The following MAP3K15 variants were observed in gnomAD, a reference collection of about 807,000 sequenced individuals.
MAP3K15 encodes mitogen-activated protein kinase kinase kinase 15, also known as MAPK/ERK kinase kinase 15.
MAP3K15 carries 124 observed loss-of-function variants against 99.5 expected under a neutral mutation model. That is an observed-to-expected ratio of 1.25 (90% CI 1.08 to 1.45). The LOEUF (loss-of-function observed/expected upper bound fraction) is 1.45, where lower values mean the gene tolerates loss of function less well. Ranked by LOEUF, MAP3K15 falls within the 40% of genes most tolerant of loss-of-function variation. The pLI is 0.00. For synonymous variants in MAP3K15, 494 were observed against 439.6 expected, an observed-to-expected ratio of 1.12 and a Z score of -1.55; for missense variants, 1,242 against 1,079.7, an observed-to-expected ratio of 1.15 and a Z score of -2.11.
chrX:19,382,324 C>G (rs1433474675), intron 18 of MAP3K15, among the ~76,000 whole-genome samples: 1 of 108,912 alleles, frequency 9.2e-6, no homozygotes, highest in Non-Finnish European at 1.9e-5. Flanking sequence ...CCTCCTGTGT[C>G]CCCCTCTGGA....
chrX:19,370,913 C>A (rs2063369845), intron 24 of MAP3K15, 46 bp downstream of exon 24: 1 of 965,818 alleles, frequency 1.0e-6, no homozygotes, highest in South Asian at 2.0e-5. Context: ...TATTTCTTAT[C>A]TTTTCACGGC....
Position 19,515,147 on chromosome X carries a change from C to A in MAP3K15, c.115G>T (p.Gly39Trp). Residue 39 changes from glycine to tryptophan, a missense_variant, in exon 1 of 29, where the codon GGG (glycine) becomes TGG (tryptophan). Gly to Trp is a radical substitution (Grantham distance 184). Transcript: ENST00000338883. ...EGAAGPAEPDGAAEGAAGGSG... is the reference protein window; with the variant it reads ...EGAAGPAEPDWAAEGAAGGSG... Reference sequence around the variant, plus strand: ...CCGCCTGCCGCGCCCTCCGCCGCCCCGTCGGGCTCCGCCGGCCCGGCCGCG... The same window carrying A: ...CCGCCTGCCGCGCCCTCCGCCGCCCAGTCGGGCTCCGCCGGCCCGGCCGCG... 5.0e-6 allele frequency: 4 copies of A among 792,730 alleles called. No individual in the cohort carries two copies. Among genetic ancestry groups the A allele is most frequent in the Non-Finnish European group, 6.1e-6 (4 of 655,255 alleles). The allele number at this position is 792,730 out of a possible 1,213,427, so 65.3% of individuals were successfully genotyped here. A position where few individuals can be genotyped will look rare whatever the true frequency, so the allele number is the denominator to read the frequency against.
chrX:19,474,793 T>A (rs901727505), intron 3 of MAP3K15, among the ~76,000 whole-genome samples: 1 of 111,378 alleles, frequency 9.0e-6, no homozygotes, highest in African/African-American at 3.3e-5. Context: ...GTTTTTAAGA[T>A]CTGCTGTTTG....
chrX:19,362,574 G>A (rs2063300085), intron 26 of MAP3K15, among the ~76,000 whole-genome samples, 164 bp downstream of exon 26: 1 of 111,004 alleles, frequency 9.0e-6, no homozygotes, highest in South Asian at 3.8e-4. Flanking sequence ...CATTTACAAT[G>A]CAGCCATGTT....
chrX:19,404,922 G>T (rs993198276), intron 13 of MAP3K15, among the ~76,000 whole-genome samples: 2 of 111,345 alleles, frequency 1.8e-5, no homozygotes, highest in African/African-American at 6.5e-5. Flanking sequence ...ACTCTTGGAA[G>T]AAAACATAAA....
At chrX:19,390,294 T>C (rs1471029765) in intron 18 of MAP3K15, among the ~76,000 whole-genome samples, 2 of 101,200 alleles carry the variant, frequency 2.0e-5, no homozygotes, top group Admixed American at 1.1e-4. Flanking sequence ...TTTTAAGAGC[T>C]AATTTTTTCT....
rs1394200836 is a variant in MAP3K15, at chrX:19,515,002, AG to A, written c.259del (p.Leu87CysfsTer39). ...GGPEAGARQC[L>X]LRACEAEGAH... ...GCCCTCGGCCTCGCAGGCCCGCAGC[AG>A]GCACTGCCGCGCCCCAGCCTCCGGG... is the stretch of plus-strand genomic sequence containing the variant. On this transcript the variant is annotated frameshift_variant, in exon 1 of 29. Coordinates refer to ENST00000338883, the MANE Select transcript of MAP3K15 (RefSeq NM_001001671.4). LOFTEE classifies it high-confidence loss of function. 1 of 1,108,893 alleles carries A rather than the reference AG, an allele frequency of 9.0e-7. No homozygotes were observed. The highest frequency in any genetic ancestry group is 2.9e-5 in the Admixed American group (1 of 34,629). 91.4% of individuals were successfully genotyped at this position (1,108,893 alleles called of 1,213,427 possible).
Position 19,371,408 on chromosome X carries a change from G to A in MAP3K15, c.3231C>T (p.Asp1077=), listed in dbSNP as rs1264461724. 1.7e-6 allele frequency: 2 copies of A among 1,209,474 alleles called. No homozygotes were observed. The highest frequency in any genetic ancestry group is 2.2e-6 in the Non-Finnish European group (2 of 894,895). ...MATTISKLKV[D]LDFDSSSISQ... ...TGATGGACGAGCTGTCAAAGTCCAGGTCCACCTTGAGCTTTGATATTGTGG... is the reference window on the plus strand; with the variant it reads ...TGATGGACGAGCTGTCAAAGTCCAGATCCACCTTGAGCTTTGATATTGTGG... Residue 1077 remains aspartate, a synonymous_variant, in exon 23 of 29, where the codon GAC becomes GAT. Coordinates refer to ENST00000338883, the MANE Select transcript of MAP3K15 (RefSeq NM_001001671.4).
chrX:19,382,846 G>T (rs1244656907), intron 18 of MAP3K15, among the ~76,000 whole-genome samples: 3 of 112,273 alleles, frequency 2.7e-5, no homozygotes, highest in African/African-American at 9.7e-5. Flanking sequence ...ATCCGATACT[G>T]TGCTGCTTAT....
At chrX:19,373,263 G>T in intron 21 of MAP3K15, 1 of 330,175 alleles carries the variant, frequency 3.0e-6, no homozygotes, top group Non-Finnish European at 5.2e-6. Flanking sequence ...AGGAGAGAGG[G>T]GAAGTGTCGA....
chrX:19,419,505 T>C (rs1324549220), intron 9 of MAP3K15, among the ~76,000 whole-genome samples: 2 of 110,674 alleles, frequency 1.8e-5, no homozygotes, highest in East Asian at 2.8e-4. Flanking sequence ...TAAATATATA[T>C]GCACCCAATA....
intron 18 of MAP3K15, among the ~76,000 whole-genome samples, chrX:19,387,968 C>T (rs769898653): frequency 8.9e-5 from 10 of 112,026 alleles, no homozygotes; most frequent in Non-Finnish European, 7.5e-5. Flanking sequence ...GCCCACAGCA[C>T]GCAAAGCCAG....
intron 18 of MAP3K15, among the ~76,000 whole-genome samples, chrX:19,382,042 C>T (rs2063461354): frequency 9.0e-6 from 1 of 110,815 alleles, no homozygotes; most frequent in African/African-American, 3.3e-5. Context: ...GTCAGAAGTT[C>T]GAGACCAGCC....
chrX:19,415,224 T>A lies in MAP3K15; in HGVS notation c.1473A>T (p.Leu491=). 8.5e-7 allele frequency: 1 copy of A among 1,180,704 alleles called. No homozygotes were observed. Reference sequence around the variant, plus strand: ...TAATGGTTTTCTTGAAGCGCCGAATTAGTAACAAGTTCTGAACTAATGATC... The same window carrying A: ...TAATGGTTTTCTTGAAGCGCCGAATAAGTAACAAGTTCTGAACTAATGATC... The part of the protein sequence containing the change: ...YLRSLVQNLL[L]IRRFKKTIIE... The change falls in exon 10 of 29, where the codon CTA becomes CTT. Residue 491 remains leucine, a synonymous_variant. Coordinates refer to ENST00000338883, the MANE Select transcript of MAP3K15 (RefSeq NM_001001671.4).
At chrX:19,412,791 G>C (rs2063698993) in intron 11 of MAP3K15, among the ~76,000 whole-genome samples, 1 of 111,288 alleles carries the variant, frequency 9.0e-6, no homozygotes, top group Non-Finnish European at 1.9e-5. Flanking sequence ...CTCGAGTGCA[G>C]TGGTGCAATG....
intron 9 of MAP3K15, among the ~76,000 whole-genome samples, chrX:19,417,672 T>C (rs1042201247): frequency 9.0e-6 from 1 of 111,652 alleles, no homozygotes; most frequent in Non-Finnish European, 1.9e-5. Flanking sequence ...AATGTCCCGG[T>C]CTGACAGCTT....
At position 19,377,130 on chromosome X, in the gene MAP3K15, T is replaced by C. The variant is rs748368338; in HGVS notation, c.2590-2470A>G. ...GTTTCAGACACTGCCCAGAAGTTTC[T>C]TGAAAGTTTTCTAAAGGAATGAAGG... On this transcript the variant is annotated intron_variant, in intron 19 of 28. Coordinates refer to ENST00000338883, the MANE Select transcript of MAP3K15 (RefSeq NM_001001671.4). Among the ~76,000 whole-genome samples the C allele has an allele frequency of 1.2e-4, 13 of 112,399 alleles. No homozygotes were observed. The South Asian group carries it at 3.3e-3, about 29-fold the overall frequency.
chrX:19,431,446 G>A lies in MAP3K15; in HGVS notation c.1158C>T (p.Ala386=), dbSNP rs1321124474. 1 of 1,199,493 alleles carries A rather than the reference G, an allele frequency of 8.3e-7. No homozygotes were observed. Among genetic ancestry groups the A allele is most frequent in the Admixed American group, 2.2e-5 (1 of 45,958 alleles). ...DCKDDTSRDS[A]IEWYRKGFEL... is the part of the protein sequence containing the mutation. ...TCGGGCTGAGGGTTTACCACTCAAT[G>A]GCGCTGTCGCGGCTGGTGTCATCTT... Residue 386 remains alanine (A), a synonymous_variant, in exon 7 of 29, where the codon GCC becomes GCT. Coordinates refer to ENST00000338883, the MANE Select transcript of MAP3K15 (RefSeq NM_001001671.4).
At position 19,514,982 on chromosome X, in the gene MAP3K15, C is replaced by T. The variant is rs1054465189; in HGVS notation, c.280G>A (p.Glu94Lys). The T allele has an allele frequency of 1.8e-6, 2 of 1,129,907 alleles. No individual in the cohort carries two copies. The highest frequency in any genetic ancestry group is 3.5e-5 in the East Asian group (1 of 28,286). 93.1% of individuals were successfully genotyped at this position (1,129,907 alleles called of 1,213,427 possible). The change falls in exon 1 of 29, where the codon GAG becomes AAG. Residue 94 changes from glutamate (E) to lysine (K), a missense_variant. Coordinates refer to ENST00000338883, the MANE Select transcript of MAP3K15 (RefSeq NM_001001671.4). ...RQCLLRACEA[E>K]GAHLTSVPFG... The stretch of plus-strand genomic sequence containing the variant: ...GGCACGGAGGTGAGGTGAGCGCCCT[C>T]GGCCTCGCAGGCCCGCAGCAGGCAC...
Sources: gnomAD v4.1 joint callset for allele counts (sites outside exome capture counted in the v4.1 genomes callset) on GRCh38, gnomAD v4.1.1 for gene constraint, MANE v1.5 for transcripts, NCBI Gene and HGNC (gene_info 2026-07-23, HGNC 2026-07-21) for gene names.